PDE4D: variants seen among roughly 807,000 people sequenced by gnomAD.
PDE4D encodes the protein 3',5'-cyclic-AMP phosphodiesterase 4D.
PDE4D carries 24 observed loss-of-function variants against 87.4 expected under a neutral mutation model. That is an observed-to-expected ratio of 0.27 (90% CI 0.20 to 0.39). The LOEUF (loss-of-function observed/expected upper bound fraction) is 0.39. PDE4D is among the 10% of genes least tolerant of loss of function. PDE4D has a pLI of 1.00. For synonymous variants in PDE4D, 384 were observed against 383.2 expected (o/e 1.00, Z -0.02); for missense variants, 714 against 1,041.0 (o/e 0.69, Z 4.32).
intron 1 of PDE4D, among the ~76,000 whole-genome samples, chr5:59,386,479 C>G (rs368951327): frequency 1.3e-5 from 2 of 151,950 alleles, no homozygotes; most frequent in African/African-American, 4.8e-5. Flanking sequence ...TAGACCATTC[C>G]CCTGTAGACG....
intron 1 of PDE4D, among the ~76,000 whole-genome samples, chr5:60,300,412 C>G (rs1484397044): frequency 6.6e-6 from 1 of 152,146 alleles, no homozygotes; most frequent in Admixed American, 6.5e-5. Flanking sequence ...AATTAGATCC[C>G]ATTTGTCAAT....
At chr5:60,151,161 G>C (rs1191908299) in intron 2 of PDE4D, among the ~76,000 whole-genome samples, 1 of 152,126 alleles carries the variant, frequency 6.6e-6, no homozygotes, top group East Asian at 1.9e-4. Context: ...AATGTGATAA[G>C]TGTACTCAGC....
intron 1 of PDE4D, among the ~76,000 whole-genome samples, chr5:59,260,000 T>C (rs1175701087): frequency 6.6e-6 from 1 of 151,872 alleles, no homozygotes; most frequent in East Asian, 1.9e-4. Flanking sequence ...CTTTATAGGA[T>C]TTCACAAATT....
At chr5:59,849,146 G>A (rs1330283636) in intron 1 of PDE4D, among the ~76,000 whole-genome samples, 1 of 151,896 alleles carries the variant, frequency 6.6e-6, no homozygotes, top group Non-Finnish European at 1.5e-5. Context: ...CAGTAGGCAG[G>A]TGGGATAAAT....
intron 1 of PDE4D, among the ~76,000 whole-genome samples, chr5:59,598,008 A>G (rs761602115): frequency 2.6e-5 from 4 of 152,182 alleles, no homozygotes; most frequent in Non-Finnish European, 5.9e-5. Flanking sequence ...AAATCACTTA[A>G]TAGGCACAAC....
chr5:59,223,467 G>A (rs981421505), intron 1 of PDE4D, among the ~76,000 whole-genome samples: 1 of 152,112 alleles, frequency 6.6e-6, no homozygotes, highest in Non-Finnish European at 1.5e-5. Flanking sequence ...AACTCATTTT[G>A]ATGCTTTGCC....
At position 59,377,200 on chromosome 5, in the gene PDE4D, G is replaced by A. The variant is rs192353893; in HGVS notation, c.456-161232C>T. 4.6e-3 allele frequency among the ~76,000 whole-genome samples: 704 copies of A among 152,088 alleles called. 14 individuals are homozygous for A. Among genetic ancestry groups the A allele is most frequent in the Admixed American group, 0.035 (531 of 15,262 alleles). ...TGGGAGGCTGAGGCAGGCAGATCAC[G>A]AGGTCAGGAGATCGAGACCATCATG... is the stretch of plus-strand genomic sequence containing the variant. On this transcript the variant is annotated intron_variant, in intron 1 of 14. Coordinates refer to ENST00000340635, the MANE Select transcript of PDE4D (RefSeq NM_001104631.2).
intron 1 of PDE4D, among the ~76,000 whole-genome samples, chr5:59,359,222 C>T (rs747470522): frequency 2.6e-5 from 4 of 152,064 alleles, no homozygotes; most frequent in Non-Finnish European, 5.9e-5. Flanking sequence ...TCCTTCTTTT[C>T]CCCCTGCTTT....
At chr5:59,164,119 T>C (rs1346796499) in intron 5 of PDE4D, among the ~76,000 whole-genome samples, 2 of 152,196 alleles carry the variant, frequency 1.3e-5, no homozygotes, top group Non-Finnish European at 2.9e-5. Flanking sequence ...GAAAATATTG[T>C]GACTAAGATT....
intron 3 of PDE4D, among the ~76,000 whole-genome samples, chr5:59,938,225 CA>C (rs764059295): frequency 1.3e-5 from 2 of 152,160 alleles, no homozygotes; most frequent in Non-Finnish European, 2.9e-5. Context: ...TACCATCCTT[CA>C]CTTTGTATCA....
chr5:59,394,599 T>C (rs957230788), intron 1 of PDE4D, among the ~76,000 whole-genome samples: 10 of 130,532 alleles, frequency 7.7e-5, no homozygotes, highest in East Asian at 4.7e-4. Flanking sequence ...AAGTTTACTA[T>C]ACAATTGTGC....
chr5:59,845,755 A>G (rs1360963661), intron 1 of PDE4D, among the ~76,000 whole-genome samples: 1 of 152,150 alleles, frequency 6.6e-6, no homozygotes, highest in African/African-American at 2.4e-5. Flanking sequence ...GATTCTATAT[A>G]CAATTTACGG....
At chr5:59,515,797 G>A (rs7717802) in intron 1 of PDE4D, among the ~76,000 whole-genome samples, 69,420 of 152,000 alleles carry the variant, frequency 0.46, 17,145 homozygotes, top group African/African-American at 0.63. Flanking sequence ...ATTAATAGAG[G>A]GATACGCCAC....
intron 1 of PDE4D, among the ~76,000 whole-genome samples, chr5:60,365,681 C>A (rs1760465437): frequency 6.6e-6 from 1 of 152,244 alleles, no homozygotes; most frequent in South Asian, 2.1e-4. Flanking sequence ...TACAACATTT[C>A]TTGAACTTTG....
rs1349445879 is a variant in PDE4D at position 59,893,396 on chromosome 5, G to C, written c.227C>G (p.Pro76Arg). 7.7e-7 allele frequency: 1 copy of C among 1,290,404 alleles called. No homozygotes were observed. The highest frequency in any genetic ancestry group is 9.8e-7 in the Non-Finnish European group (1 of 1,016,322). The allele number at this position is 1,290,404 out of a possible 1,614,324, so 79.9% of individuals were successfully genotyped here. A position where few individuals can be genotyped will look rare whatever the true frequency, so the allele number is the denominator to read the frequency against. The change falls in exon 1 of 15, where the codon CCG becomes CGG. Residue 76 changes from proline to arginine, a missense_variant. Coordinates refer to ENST00000340635, the MANE Select transcript of PDE4D (RefSeq NM_001104631.2). ...QPQPQCPLQP[P>R]PPPPLPPPPP... is the part of the protein sequence containing the mutation. Reference sequence around the variant, plus strand: ...GGGCGGCGGCAGGGGGGGCGGCGGCGGCGGCTGTAGCGGACACTGGGGCTG... The same window carrying C: ...GGGCGGCGGCAGGGGGGGCGGCGGCCGCGGCTGTAGCGGACACTGGGGCTG...
chr5:59,590,172 G>C (rs964279109), intron 1 of PDE4D, among the ~76,000 whole-genome samples: 8 of 152,080 alleles, frequency 5.3e-5, no homozygotes, highest in African/African-American at 1.9e-4. Context: ...TAGAAAGAGG[G>C]TCTTAAGAGT....
intron 1 of PDE4D, among the ~76,000 whole-genome samples, chr5:60,253,225 C>A (rs188948328): frequency 6.6e-6 from 1 of 152,030 alleles, no homozygotes; most frequent in East Asian, 1.9e-4. Context: ...ACAGCACAGG[C>A]TCTTTGCACC....
At chr5:59,087,304 G>C (rs1767883318) in intron 5 of PDE4D, among the ~76,000 whole-genome samples, 1 of 152,040 alleles carries the variant, frequency 6.6e-6, no homozygotes, top group South Asian at 2.1e-4. Flanking sequence ...AGAAAACATA[G>C]GGAGACCTTG....
intron 1 of PDE4D, among the ~76,000 whole-genome samples, chr5:59,509,414 T>C (rs1809875000): frequency 7.6e-6 from 1 of 131,694 alleles, no homozygotes; most frequent in Admixed American, 7.5e-5. Context: ...AAAAGGATGG[T>C]CTCAGATGCA....
Sources: gnomAD v4.1 joint callset for allele counts (sites outside exome capture counted in the v4.1 genomes callset) on GRCh38, gnomAD v4.1.1 for gene constraint, MANE v1.5 for transcripts, NCBI Gene and HGNC (gene_info 2026-07-23, HGNC 2026-07-21) for gene names.